The following FAM199X variants were observed in gnomAD, a reference collection of about 807,000 sequenced individuals.
FAM199X encodes the protein family with sequence similarity 199, X-linked, also known as protein FAM199X.
In FAM199X, 4 loss-of-function variants were observed where a neutral mutation model predicts 22.9. The observed-to-expected ratio is 0.17, with a 90% CI of 0.09 to 0.40. The LOEUF is 0.40. Among genes scored for constraint, FAM199X ranks in the 10% least tolerant of loss-of-function variants. The pLI, the probability that FAM199X is intolerant of heterozygous loss-of-function variation, is 1.00. For missense variants in FAM199X, 183 were observed against 306.8 expected (o/e 0.60, Z 3.01); for synonymous variants, 101 against 112.3 (o/e 0.90, Z 0.64).
intron 1 of FAM199X, among the ~76,000 whole-genome samples, chrX:104,172,239 CAAAAAAAA>C (rs782684130): frequency 1.6e-5 from 1 of 63,768 alleles, no homozygotes; most frequent in African/African-American, 5.8e-5. Context: ...CTTTCTCTTC[CAAAAAAAA>C]AAAAAAAAAA....
chrX:104,171,885 C>A (rs1306342437), intron 1 of FAM199X, among the ~76,000 whole-genome samples: 1 of 111,165 alleles, frequency 9.0e-6, no homozygotes, highest in Non-Finnish European at 1.9e-5. Flanking sequence ...ATCTTTTTTC[C>A]AAATTTCTGT....
the FAM199X span, among the ~76,000 whole-genome samples, chrX:104,159,430 A>G: frequency 8.9e-6 from 1 of 112,495 alleles, no homozygotes; most frequent in Admixed American, 9.4e-5. Flanking sequence ...CAAACTGGGT[A>G]GTTGAGGGGA....
At chrX:104,174,830 G>T (rs1921450330) in intron 1 of FAM199X, among the ~76,000 whole-genome samples, 1 of 111,961 alleles carries the variant, frequency 8.9e-6, no homozygotes, top group Non-Finnish European at 1.9e-5. Context: ...ATTAGTTATT[G>T]CTGGATAATG....
intron 2 of FAM199X, among the ~76,000 whole-genome samples, chrX:104,181,421 T>C (rs1317457512): frequency 8.9e-6 from 1 of 112,158 alleles, no homozygotes; most frequent in African/African-American, 3.2e-5. Flanking sequence ...TCCAGTTGAC[T>C]ACTTGACATT....
At chrX:104,178,172 G>GT (rs1260202936) in intron 2 of FAM199X, among the ~76,000 whole-genome samples, 150 of 108,848 alleles carry the variant, frequency 1.4e-3, no homozygotes, top group Middle Eastern at 4.7e-3. Context: ...TTGTTTGTTT[G>GT]TTTTTTTGAG....
At chrX:104,167,645 A>G (rs1171360855) in intron 1 of FAM199X, among the ~76,000 whole-genome samples, 1 of 110,692 alleles carries the variant, frequency 9.0e-6, no homozygotes, top group Non-Finnish European at 1.9e-5. Context: ...GGATTCCTTC[A>G]TATGACATAT....
At chrX:104,165,158 G>C (rs1178261448), upstream of FAM199X, among the ~76,000 whole-genome samples, 1 of 112,228 alleles carries the variant, frequency 8.9e-6, no homozygotes, top group Non-Finnish European at 1.9e-5. Context: ...AGATATTAAT[G>C]AATGATTCAT....
intron 2 of FAM199X, among the ~76,000 whole-genome samples, chrX:104,185,309 C>T (rs1921772063): frequency 9.0e-6 from 1 of 110,858 alleles, no homozygotes; most frequent in East Asian, 2.8e-4. Context: ...CAGTCTCTGG[C>T]AAAAAGCCAG....
chrX:104,179,774 A>G (rs1479516659), intron 2 of FAM199X, among the ~76,000 whole-genome samples: 2 of 110,440 alleles, frequency 1.8e-5, no homozygotes, highest in African/African-American at 6.6e-5. Flanking sequence ...GTATTTTGTT[A>G]AGGAATTTTG....
chrX:104,188,019 T>G (rs1921847018), intron 4 of FAM199X, 21 bp from the exon 5 acceptor site: 1 of 1,205,097 alleles, frequency 8.3e-7, no homozygotes, highest in Non-Finnish European at 1.1e-6. Context: ...CACTAACCAG[T>G]TTGTGTTTGT....
chrX:104,160,394 G>A, the FAM199X span, among the ~76,000 whole-genome samples: 4 of 112,843 alleles, frequency 3.5e-5, no homozygotes, highest in African/African-American at 1.3e-4. Flanking sequence ...ATTAAAAAGA[G>A]TTATGTGGCA....
At chrX:104,188,368 T>A in intron 5 of FAM199X, 62 bp downstream of exon 5, 1 of 1,149,952 alleles carries the variant, frequency 8.7e-7, no homozygotes, top group Non-Finnish European at 1.2e-6. Flanking sequence ...CTCCTTCATA[T>A]AAATTTCTTG....
At position 104,195,834 on chromosome X, in the gene FAM199X, A is replaced by G. The variant is rs1385547114; in HGVS notation, c.*6056A>G. 9.1e-6 allele frequency: 1 copy of G among 110,232 alleles called. No homozygotes were observed. The highest frequency in any genetic ancestry group is 3.3e-5 in the African/African-American group (1 of 30,333). 9.1% of individuals were successfully genotyped at this position (110,232 alleles called of 1,213,427 possible). ...AAGGTAAGTTAATTAAGCTTGTTTA[A>G]TGATGCCAATCTTATGCTTTTCTGT... On this transcript the variant is annotated 3_prime_UTR_variant, in exon 6 of 6. Coordinates refer to ENST00000493442, the MANE Select transcript of FAM199X (RefSeq NM_207318.4).
At chrX:104,184,261 C>T (rs961094006) in intron 2 of FAM199X, among the ~76,000 whole-genome samples, 6 of 112,305 alleles carry the variant, frequency 5.3e-5, no homozygotes, top group Non-Finnish European at 9.4e-5. Context: ...TCACAATAGT[C>T]TTCATGACTA....
Position 104,195,770 on chromosome X carries a change from AT to A in FAM199X, c.*5994del, listed in dbSNP as rs1922046487. On this transcript the variant is annotated 3_prime_UTR_variant, in exon 6 of 6. Coordinates refer to ENST00000493442, the MANE Select transcript of FAM199X (RefSeq NM_207318.4). Reference sequence around the variant, plus strand: ...GGTTGGAATAGAACTTATTCTCAAAATTCCTTTAGTGTTATTAAATATTTTC... The same window carrying A: ...GGTTGGAATAGAACTTATTCTCAAAATCCTTTAGTGTTATTAAATATTTTC... The A allele has an allele frequency of 9.0e-6, 1 of 111,004 alleles. No homozygotes were observed. Among genetic ancestry groups the A allele is most frequent in the Non-Finnish European group, 1.9e-5 (1 of 52,889 alleles). The allele number at this position is 111,004 out of a possible 1,213,427, so 9.1% of individuals were successfully genotyped here.
intron 3 of FAM199X, 93 bp downstream of exon 3, chrX:104,186,308 G>T (rs993906960): frequency 9.1e-7 from 1 of 1,097,285 alleles, no homozygotes; most frequent in Non-Finnish European, 1.2e-6. Flanking sequence ...GGGAAATGTG[G>T]ATTGCTTAGT....
Position 104,188,365 on chromosome X carries a change from A to G in FAM199X, c.996+59A>G, listed in dbSNP as rs2147897626. ...TCAATATTAACATTAGTACTCCTTCATATAAATTTCTTGAAGAGTTAAAAT... is the reference window on the plus strand; with the variant it reads ...TCAATATTAACATTAGTACTCCTTCGTATAAATTTCTTGAAGAGTTAAAAT... On this transcript the variant is annotated intron_variant, in intron 5 of 5. Transcript: ENST00000493442. 3 of 1,153,843 alleles carry G rather than the reference A, an allele frequency of 2.6e-6. No homozygotes were observed. The East Asian group carries it at 9.0e-5, about 35-fold the overall frequency.
intron 1 of FAM199X, among the ~76,000 whole-genome samples, chrX:104,168,454 T>C (rs985014755): frequency 3.5e-5 from 4 of 112,786 alleles, no homozygotes; most frequent in African/African-American, 1.3e-4. Flanking sequence ...AATGTGAATG[T>C]AACATATTCA....
chrX:104,161,312 G>A, the FAM199X span, among the ~76,000 whole-genome samples: 1 of 111,985 alleles, frequency 8.9e-6, no homozygotes, highest in African/African-American at 3.2e-5. Context: ...GAGTATTTTA[G>A]TTGTGTACAA....
Sources: allele counts gnomAD v4.1 joint callset (sites outside exome capture counted in the v4.1 genomes callset), GRCh38; gene constraint gnomAD v4.1.1; transcripts MANE v1.5; gene names NCBI Gene and HGNC (gene_info 2026-07-23, HGNC 2026-07-21).